The following FBXW8 variants were observed in gnomAD, a reference collection of about 807,000 sequenced individuals.
FBXW8 encodes F-box and WD repeat domain containing 8.
Under a neutral mutation model 65.3 loss-of-function variants are expected in FBXW8, and 57 were observed. The observed-to-expected ratio is 0.87, with a 90% CI of 0.71 to 1.09. FBXW8 has a LOEUF of 1.09. FBXW8 is among the 50% of genes least tolerant of loss of function. The pLI is 0.00. For missense variants in FBXW8, 777 were observed against 814.8 expected, an observed-to-expected ratio of 0.95 and a Z score of 0.57; for synonymous variants, 308 against 330.2, an observed-to-expected ratio of 0.93 and a Z score of 0.73.
At chr12:116,928,598 A>G (rs1446067673) in intron 2 of FBXW8, among the ~76,000 whole-genome samples, 1 of 152,128 alleles carries the variant, frequency 6.6e-6, no homozygotes, top group African/African-American at 2.4e-5. Flanking sequence ...TTAGGATCTC[A>G]CTCAGTGAGG....
chr12:116,916,907 T>TGAGAGA (rs199590139), intron 1 of FBXW8, among the ~76,000 whole-genome samples: 29 of 98,760 alleles, frequency 2.9e-4, no homozygotes, highest in African/African-American at 7.6e-4. Flanking sequence ...TGTGTGTGTG[T>TGAGAGA]GTGTGAGAGA....
chr12:116,999,142 C>T (rs931481518), intron 7 of FBXW8, among the ~76,000 whole-genome samples: 2 of 152,134 alleles, frequency 1.3e-5, no homozygotes, highest in Non-Finnish European at 2.9e-5. Flanking sequence ...AGGGTAAATC[C>T]CCTTTGTAGA....
At chr12:116,992,615 A>G (rs1953271089) in intron 7 of FBXW8, among the ~76,000 whole-genome samples, 2 of 152,064 alleles carry the variant, frequency 1.3e-5, no homozygotes, top group African/African-American at 2.4e-5. Flanking sequence ...CTGCATACCC[A>G]TAGCTTAGCT....
chr12:117,008,025 A>G (rs539881626), intron 7 of FBXW8, among the ~76,000 whole-genome samples: 99 of 152,362 alleles, frequency 6.5e-4, no homozygotes, highest in Non-Finnish European at 1.1e-3. Context: ...CTACTAACTT[A>G]GATGTCTTTA....
chr12:116,947,881 C>G (rs1473920298), intron 3 of FBXW8, among the ~76,000 whole-genome samples: 2 of 152,070 alleles, frequency 1.3e-5, no homozygotes, highest in East Asian at 3.9e-4. Context: ...TGAGGATGAT[C>G]GTCATCAAGT....
chr12:117,013,610 T>A (rs557418068), intron 8 of FBXW8, among the ~76,000 whole-genome samples: 318 of 152,268 alleles, frequency 2.1e-3, no homozygotes, highest in African/African-American at 7.3e-3. Context: ...TTCTAAGATG[T>A]ATATTAAAAA....
intron 8 of FBXW8, among the ~76,000 whole-genome samples, chr12:117,012,178 T>G (rs953147736): frequency 4.2e-5 from 6 of 143,950 alleles, no homozygotes; most frequent in Non-Finnish European, 6.0e-5. Flanking sequence ...TGCCTCATTA[T>G]GTACGCACTG....
In FBXW8 at chr12:117,029,454, A is replaced by AGGGGAT. The variant is rs1240554477; in HGVS notation, c.*1287_*1292dup. 2 of 151,712 alleles carry AGGGGAT rather than the reference A, an allele frequency of 1.3e-5. No homozygotes were observed. The highest frequency in any genetic ancestry group is 2.4e-5 in the African/African-American group (1 of 41,074). 9.4% of individuals were successfully genotyped at this position (151,712 alleles called of 1,614,324 possible). A position where few individuals can be genotyped will look rare whatever the true frequency, so the allele number is the denominator to read the frequency against. ...AGTAAAAGCACAGAATACAAAACCCAGGGGATGGGGCTGGGAGGGGCTGTG... is the reference window on the plus strand; with the variant it reads ...AGTAAAAGCACAGAATACAAAACCCAGGGGATGGGGATGGGGCTGGGAGGGGCTGTG... On this transcript the variant is annotated 3_prime_UTR_variant, in exon 11 of 11. Coordinates refer to ENST00000652555, the MANE Select transcript of FBXW8 (RefSeq NM_153348.3).
In FBXW8 at chr12:116,915,640, C is replaced by CTTT. The variant is rs57687048; in HGVS notation, c.318+4311_318+4313dup. On this transcript the variant is annotated intron_variant, in intron 1 of 10. Transcript: ENST00000652555. ...CCAAGGGTAACCACTCACCTGACTACTTTTTTTTTTTTTTTTTTTTTTTTT... is the reference window on the plus strand; with the variant it reads ...CCAAGGGTAACCACTCACCTGACTACTTTTTTTTTTTTTTTTTTTTTTTTTTTT... 7.7e-3 allele frequency among the ~76,000 whole-genome samples: 593 copies of CTTT among 77,188 alleles called. 63 individuals carry two copies. Among genetic ancestry groups the CTTT allele is most frequent in the African/African-American group, 0.029 (541 of 18,762 alleles). The allele number at this position is 77,188 out of a possible 152,430, so 50.6% of individuals were successfully genotyped here.
At chr12:116,982,428 A>G (rs561713536) in intron 5 of FBXW8, among the ~76,000 whole-genome samples, 84 of 152,326 alleles carry the variant, frequency 5.5e-4, no homozygotes, top group African/African-American at 2.0e-3. Flanking sequence ...ACTCATCAAG[A>G]GGACATACAA....
intron 2 of FBXW8, among the ~76,000 whole-genome samples, chr12:116,935,697 G>C (rs1882104840): frequency 6.6e-6 from 1 of 152,122 alleles, no homozygotes; most frequent in South Asian, 2.1e-4. Flanking sequence ...CTAAGTGGTG[G>C]GTACTTTGGA....
intron 3 of FBXW8, among the ~76,000 whole-genome samples, chr12:116,946,876 T>C (rs1198122673): frequency 2.0e-5 from 3 of 151,968 alleles, no homozygotes; most frequent in African/African-American, 7.3e-5. Flanking sequence ...GGGGCTGCGA[T>C]TTAAGGAAAG....
intron 8 of FBXW8, among the ~76,000 whole-genome samples, 191 bp from the exon 9 acceptor site, chr12:117,023,956 A>G (rs538164691): frequency 2.7e-4 from 41 of 152,342 alleles, no homozygotes; most frequent in African/African-American, 9.4e-4. Flanking sequence ...CTTTTAAACC[A>G]TTCAGATGAG....
chr12:117,021,242 T>A (rs942804200), intron 8 of FBXW8, among the ~76,000 whole-genome samples: 5 of 152,248 alleles, frequency 3.3e-5, no homozygotes, highest in African/African-American at 1.2e-4. Context: ...ATCTTACACA[T>A]GTTTAAAAGC....
intron 7 of FBXW8, chr12:117,002,629 T>C (rs1953558857): frequency 6.6e-6 from 1 of 152,248 alleles, no homozygotes; most frequent in Admixed American, 6.5e-5. Context: ...CGCTATGACT[T>C]ATCTCTGGCA....
intron 1 of FBXW8, among the ~76,000 whole-genome samples, chr12:116,918,681 T>A (rs1185587583): frequency 6.6e-6 from 1 of 152,218 alleles, no homozygotes; most frequent in Non-Finnish European, 1.5e-5. Flanking sequence ...AATCACTGAT[T>A]CAAATTGTTC....
chr12:117,010,452 T>C lies in FBXW8; in HGVS notation c.1367+2T>C. On this transcript the variant is annotated splice_donor_variant, in intron 8 of 10. Coordinates refer to ENST00000652555, the MANE Select transcript of FBXW8 (RefSeq NM_153348.3). LOFTEE classifies it high-confidence loss of function. ...GGTCAGTGGCAACATGGACGGGAGG[T>C]ACGTGAGTTGGAAGGGCATTGCCTT... The C allele has an allele frequency of 6.2e-7, 1 of 1,614,040 alleles. No homozygotes were observed.
At chr12:116,921,152 A>G (rs1880869031) in intron 1 of FBXW8, among the ~76,000 whole-genome samples, 2 of 152,220 alleles carry the variant, frequency 1.3e-5, no homozygotes, top group Non-Finnish European at 2.9e-5. Context: ...TATGTCTTGA[A>G]GCTGGAAAGC....
intron 8 of FBXW8, among the ~76,000 whole-genome samples, chr12:117,023,735 C>T (rs1021729645): frequency 1.5e-4 from 23 of 152,198 alleles, no homozygotes; most frequent in African/African-American, 5.1e-4. Context: ...GGTCCTCACC[C>T]GGTTAGGATC....
Sources: allele counts gnomAD v4.1 joint callset (sites outside exome capture counted in the v4.1 genomes callset), GRCh38; gene constraint gnomAD v4.1.1; transcripts MANE v1.5; gene names NCBI Gene and HGNC (gene_info 2026-07-23, HGNC 2026-07-21).